Variants in SND1 observed in about 807,000 individuals in gnomAD.
The protein encoded by SND1 is staphylococcal nuclease domain-containing protein 1.
A neutral mutation model predicts 121.7 loss-of-function variants in SND1; 38 were observed. The ratio of observed to expected loss-of-function variants is 0.31; its 90% CI spans 0.24 to 0.41. The LOEUF (loss-of-function observed/expected upper bound fraction) is 0.41, where lower values mean the gene tolerates loss of function less well. Among genes scored for constraint, SND1 ranks in the 10% least tolerant of loss-of-function variants. The pLI, the probability that SND1 is intolerant of heterozygous loss-of-function variation, is 1.00. For synonymous variants in SND1, 401 were observed against 447.4 expected (o/e 0.90, Z 1.31); for missense variants, 868 against 1,184.6 (o/e 0.73, Z 3.92).
At chr7:127,775,634 AC>A (rs1797605539) in intron 10 of SND1, among the ~76,000 whole-genome samples, 1 of 151,650 alleles carries the variant, frequency 6.6e-6, no homozygotes, top group South Asian at 2.1e-4. Flanking sequence ...ACATTTCTCT[AC>A]CCTATCTGCT....
chr7:127,796,958 T>G (rs1323284796), intron 10 of SND1, among the ~76,000 whole-genome samples: 2 of 147,538 alleles, frequency 1.4e-5, no homozygotes, highest in African/African-American at 5.0e-5. Flanking sequence ...AGTGGCATGA[T>G]CTCAGCTAAA....
At chr7:127,705,263 T>C (rs1358084228) in intron 8 of SND1, among the ~76,000 whole-genome samples, 3 of 152,228 alleles carry the variant, frequency 2.0e-5, no homozygotes, top group African/African-American at 7.2e-5. Context: ...TGTAATAAAC[T>C]TGAAGCTTAT....
chr7:128,042,857 A>G (rs1030655195), intron 16 of SND1, among the ~76,000 whole-genome samples: 3 of 152,252 alleles, frequency 2.0e-5, no homozygotes, highest in African/African-American at 7.2e-5. Context: ...GGCTCCTGCC[A>G]GCTGCTATCT....
intron 1 of SND1, among the ~76,000 whole-genome samples, chr7:127,666,815 G>A (rs1795428561): frequency 6.6e-6 from 1 of 152,112 alleles, no homozygotes; most frequent in Admixed American, 6.5e-5. Context: ...GGGCGGGAAG[G>A]GCCTGGGACA....
intron 10 of SND1, among the ~76,000 whole-genome samples, chr7:127,743,046 T>C (rs1420741269): frequency 2.0e-5 from 3 of 151,868 alleles, no homozygotes; most frequent in Admixed American, 6.6e-5. Context: ...CACCCCCATT[T>C]TATTCTTGCT....
At chr7:127,835,502 G>T (rs1798850173) in intron 11 of SND1, among the ~76,000 whole-genome samples, 2 of 152,136 alleles carry the variant, frequency 1.3e-5, no homozygotes, top group Non-Finnish European at 2.9e-5. Context: ...TGGCAGCTCT[G>T]GTGAGGAATA....
At chr7:127,917,582 TG>T (rs980358531) in intron 14 of SND1, among the ~76,000 whole-genome samples, 8 of 152,200 alleles carry the variant, frequency 5.3e-5, no homozygotes, top group African/African-American at 1.9e-4. Context: ...AAATTTTTTT[TG>T]TAGAGAGAGA....
At chr7:127,960,130 C>T (rs999219553) in intron 15 of SND1, among the ~76,000 whole-genome samples, 3 of 152,218 alleles carry the variant, frequency 2.0e-5, no homozygotes, top group Non-Finnish European at 4.4e-5. Context: ...CTGCTTCTGT[C>T]GCTGCTTTCC....
At chr7:127,766,771 CAAAAAAAAAAAAAAAAA>C (rs59243807) in intron 10 of SND1, among the ~76,000 whole-genome samples, 3 of 33,202 alleles carry the variant, frequency 9.0e-5, no homozygotes, top group Non-Finnish European at 1.2e-4. Flanking sequence ...GACTTTGTCT[CAAAAAAAAAAAAAAAAA>C]AAAAAAAAAA....
intron 10 of SND1, among the ~76,000 whole-genome samples, chr7:127,739,365 A>G (rs1005191240): frequency 3.9e-5 from 6 of 152,180 alleles, no homozygotes; most frequent in Non-Finnish European, 7.4e-5. Context: ...TGAAATATTT[A>G]TGTGAACCCA....
chr7:127,893,547 GA>G, intron 13 of SND1, among the ~76,000 whole-genome samples: 1 of 152,232 alleles, frequency 6.6e-6, no homozygotes, highest in Non-Finnish European at 1.5e-5. Flanking sequence ...TATATATTCA[GA>G]AAAGAAATTG....
At chr7:127,977,414 T>C (rs935505762) in intron 15 of SND1, among the ~76,000 whole-genome samples, 3 of 152,134 alleles carry the variant, frequency 2.0e-5, no homozygotes, top group Non-Finnish European at 4.4e-5. Flanking sequence ...GGGTAATGCA[T>C]GTTTTATATG....
intron 10 of SND1, among the ~76,000 whole-genome samples, chr7:127,754,693 G>T (rs1380995106): frequency 6.6e-6 from 1 of 152,232 alleles, no homozygotes; most frequent in Non-Finnish European, 1.5e-5. Context: ...AAGACCAGCA[G>T]TGGGTTGGGA....
chr7:127,667,826 G>T (rs1016908108), intron 1 of SND1, among the ~76,000 whole-genome samples: 2 of 152,066 alleles, frequency 1.3e-5, no homozygotes, highest in Non-Finnish European at 2.9e-5. Context: ...TTACAGACAT[G>T]CACATACAGT....
chr7:127,705,037 C>A, intron 8 of SND1, 92 bp downstream of exon 8: 1 of 1,035,048 alleles, frequency 9.7e-7, no homozygotes, highest in South Asian at 1.3e-5. Context: ...CCCTGTGTGT[C>A]AGTGTTCATT....
At chr7:128,079,734 C>G (rs553713522) in intron 17 of SND1, among the ~76,000 whole-genome samples, 12 of 152,328 alleles carry the variant, frequency 7.9e-5, no homozygotes, top group Non-Finnish European at 1.2e-4. Flanking sequence ...TCTGCTGTGT[C>G]CTGAAGCTCC....
intron 17 of SND1, among the ~76,000 whole-genome samples, chr7:128,076,143 C>CT (rs1166025657): frequency 6.6e-6 from 1 of 152,206 alleles, no homozygotes; most frequent in East Asian, 1.9e-4. Flanking sequence ...CCTCTACCCT[C>CT]TAAGAGTAGA....
At chr7:127,826,724 A>G (rs1798649157) in intron 11 of SND1, among the ~76,000 whole-genome samples, 1 of 152,200 alleles carries the variant, frequency 6.6e-6, no homozygotes, top group African/African-American at 2.4e-5. Flanking sequence ...CCCTTATTTT[A>G]AAACAACATA....
In SND1 at chr7:127,881,690, G is replaced by A. The variant is rs552102839; in HGVS notation, c.1344-6212G>A. On this transcript the variant is annotated intron_variant, in intron 12 of 23. Transcript: ENST00000354725. ...GAAAAGCTCGCTCTGCCCCTTCATGGTTTGACTCTATGGAAAGTTAGCGGT... is the reference window on the plus strand; with the variant it reads ...GAAAAGCTCGCTCTGCCCCTTCATGATTTGACTCTATGGAAAGTTAGCGGT... 2.6e-5 allele frequency among the ~76,000 whole-genome samples: 4 copies of A among 152,260 alleles called. No individual in the cohort carries two copies. In the South Asian group the frequency reaches 8.3e-4, roughly 32 times the overall value.
Sources: gnomAD v4.1 joint callset for allele counts (sites outside exome capture counted in the v4.1 genomes callset) on GRCh38, gnomAD v4.1.1 for gene constraint, MANE v1.5 for transcripts, NCBI Gene and HGNC (gene_info 2026-07-23, HGNC 2026-07-21) for gene names.